The following NLGN1 variants were observed in gnomAD, a reference collection of about 807,000 sequenced individuals.
NLGN1 encodes neuroligin 1, also known as neuroligin-1.
NLGN1 carries 12 observed loss-of-function variants against 65.5 expected under a neutral mutation model. That is an observed-to-expected ratio of 0.18 (90% CI 0.12 to 0.30). The LOEUF is 0.30. Among genes scored for constraint, NLGN1 ranks in the 10% least tolerant of loss-of-function variants. The pLI is 1.00. For missense variants in NLGN1, 750 were observed against 1,007.1 expected (o/e 0.74, Z 3.46); for synonymous variants, 350 against 359.5 (o/e 0.97, Z 0.30).
intron 4 of NLGN1, among the ~76,000 whole-genome samples, chr3:174,056,588 G>A (rs928147841): frequency 3.3e-5 from 5 of 151,920 alleles, no homozygotes; most frequent in Non-Finnish European, 7.4e-5. Context: ...TATCATGGAA[G>A]TTCTCTAATA....
intron 2 of NLGN1, among the ~76,000 whole-genome samples, chr3:173,469,313 A>C (rs997888048): frequency 6.6e-6 from 1 of 152,060 alleles, no homozygotes; most frequent in East Asian, 1.9e-4. Flanking sequence ...ATTTCCAACT[A>C]GGCTTTCACC....
intron 2 of NLGN1, among the ~76,000 whole-genome samples, chr3:173,554,140 G>A (rs1035939401): frequency 1.3e-5 from 2 of 152,092 alleles, no homozygotes; most frequent in African/African-American, 4.8e-5. Context: ...TAAAATCTAT[G>A]TGGGGAATTA....
intron 3 of NLGN1, among the ~76,000 whole-genome samples, chr3:173,803,544 A>G (rs969449107): frequency 3.3e-5 from 5 of 152,040 alleles, no homozygotes; most frequent in Non-Finnish European, 7.4e-5. Flanking sequence ...GGAGGTGGAG[A>G]TTGCAATGAG....
intron 2 of NLGN1, among the ~76,000 whole-genome samples, chr3:173,458,171 G>T (rs892011449): frequency 1.3e-5 from 2 of 152,052 alleles, no homozygotes; most frequent in African/African-American, 4.8e-5. Flanking sequence ...AGAAAGCATT[G>T]GAGAGTGGGA....
intron 4 of NLGN1, among the ~76,000 whole-genome samples, chr3:174,268,631 G>A (rs1368776671): frequency 6.6e-6 from 1 of 152,102 alleles, no homozygotes; most frequent in Non-Finnish European, 1.5e-5. Flanking sequence ...TTAACATTGA[G>A]TGTAACATAG....
At chr3:173,579,885 TTGCTTTACAATTC>T (rs1292376741) in intron 2 of NLGN1, among the ~76,000 whole-genome samples, 1 of 152,240 alleles carries the variant, frequency 6.6e-6, no homozygotes, top group Non-Finnish European at 1.5e-5. Flanking sequence ...TTCTCCAGAC[TTGCTTTACAATTC>T]TGTTTTATTT....
At chr3:173,831,383 A>T (rs1342828242) in intron 4 of NLGN1, among the ~76,000 whole-genome samples, 1 of 152,218 alleles carries the variant, frequency 6.6e-6, no homozygotes, top group Non-Finnish European at 1.5e-5. Flanking sequence ...TCAAAGTGCA[A>T]GTTTTGGATG....
chr3:173,797,070 T>C (rs760212908), intron 3 of NLGN1, among the ~76,000 whole-genome samples: 1 of 152,136 alleles, frequency 6.6e-6, no homozygotes, highest in Non-Finnish European at 1.5e-5. Flanking sequence ...TGGTGTTTTG[T>C]TTCCAGCAGG....
intron 4 of NLGN1, among the ~76,000 whole-genome samples, chr3:174,184,968 G>C (rs1332122976): frequency 6.6e-6 from 1 of 152,050 alleles, no homozygotes; most frequent in Non-Finnish European, 1.5e-5. Flanking sequence ...TATGACCACA[G>C]ATCCAAGGGC....
At chr3:173,396,524 T>G (rs1408532686), upstream of NLGN1, 1 of 152,196 alleles carries the variant, frequency 6.6e-6, no homozygotes. Flanking sequence ...AACGGAATGT[T>G]TTGGAGCCGA....
At chr3:173,658,270 T>A (rs1046392201) in intron 3 of NLGN1, among the ~76,000 whole-genome samples, 2 of 151,944 alleles carry the variant, frequency 1.3e-5, no homozygotes, top group African/African-American at 4.8e-5. Flanking sequence ...ACCAGGTATG[T>A]GATTAGGAAG....
chr3:174,223,361 A>G (rs1439229401), intron 4 of NLGN1, among the ~76,000 whole-genome samples: 3 of 152,190 alleles, frequency 2.0e-5, no homozygotes, highest in Admixed American at 6.5e-5. Flanking sequence ...TTTTCTTGGC[A>G]TGAAAGCAAG....
At chr3:174,194,950 C>T (rs1733140478) in intron 4 of NLGN1, among the ~76,000 whole-genome samples, 1 of 151,684 alleles carries the variant, frequency 6.6e-6, no homozygotes, top group Admixed American at 6.6e-5. Flanking sequence ...CAACCTCCGC[C>T]TCCCGGGTTC....
At chr3:174,023,562 T>C (rs1728203926) in intron 4 of NLGN1, among the ~76,000 whole-genome samples, 1 of 152,122 alleles carries the variant, frequency 6.6e-6, no homozygotes, top group Non-Finnish European at 1.5e-5. Flanking sequence ...ATCATCTCAG[T>C]GTGGGGAGGC....
chr3:173,954,945 G>T (rs1328711968), intron 4 of NLGN1, among the ~76,000 whole-genome samples: 1 of 152,010 alleles, frequency 6.6e-6, no homozygotes, highest in African/African-American at 2.4e-5. Flanking sequence ...CGTAGAGAGG[G>T]AATTGGCAAT....
intron 2 of NLGN1, among the ~76,000 whole-genome samples, chr3:173,517,548 G>A (rs1265870825): frequency 6.6e-6 from 1 of 151,942 alleles, no homozygotes; most frequent in African/African-American, 2.4e-5. Flanking sequence ...CACAATATAA[G>A]TATATATAGA....
chr3:174,149,837 A>G (rs1022387458), intron 4 of NLGN1, among the ~76,000 whole-genome samples: 2 of 152,090 alleles, frequency 1.3e-5, no homozygotes, highest in African/African-American at 4.8e-5. Flanking sequence ...TTGGTTTGAG[A>G]GCTTTTGAAT....
At chr3:173,517,780 ATC>A (rs1734064807) in intron 2 of NLGN1, among the ~76,000 whole-genome samples, 1 of 151,734 alleles carries the variant, frequency 6.6e-6, no homozygotes, top group Non-Finnish European at 1.5e-5. Flanking sequence ...CTATCTATCT[ATC>A]TATCTATCTA....
intron 4 of NLGN1, among the ~76,000 whole-genome samples, chr3:174,050,278 T>C (rs2152501894): frequency 6.6e-6 from 1 of 152,234 alleles, no homozygotes; most frequent in South Asian, 2.1e-4. Flanking sequence ...GGCATTGACA[T>C]TAAGGTGTCA....
Sources: gnomAD v4.1 joint callset for allele counts (sites outside exome capture counted in the v4.1 genomes callset) on GRCh38, gnomAD v4.1.1 for gene constraint, MANE v1.5 for transcripts, NCBI Gene and HGNC (gene_info 2026-07-23, HGNC 2026-07-21) for gene names.